The following TDRD6 variants were observed in gnomAD, a reference collection of about 807,000 sequenced individuals.
TDRD6 encodes tudor domain containing 6, also known as tudor domain-containing protein 6.
TDRD6 carries 186 observed loss-of-function variants against 157.5 expected under a neutral mutation model. That is an observed-to-expected ratio of 1.18 (90% CI 1.05 to 1.33). The LOEUF is 1.33. TDRD6 is among the 40% of genes most tolerant of loss of function. The pLI is 0.00. For missense variants in TDRD6, 3,066 were observed against 2,508.0 expected, an observed-to-expected ratio of 1.22 and a Z score of -4.75; for synonymous variants, 1,075 against 945.2, an observed-to-expected ratio of 1.14 and a Z score of -2.52.
chr6:46,695,459 A>T (rs1764465983), intron 1 of TDRD6, among the ~76,000 whole-genome samples: 1 of 152,140 alleles, frequency 6.6e-6, no homozygotes, highest in African/African-American at 2.4e-5. Flanking sequence ...TGTGATAAGA[A>T]TGTCTGCTCA....
chr6:46,689,999 T>G lies in TDRD6; in HGVS notation c.1871T>G (p.Val624Gly). Reference protein sequence around the residue: ...QEAVSFFKKTVLHKELVIHIL... With the variant: ...QEAVSFFKKTGLHKELVIHIL... ...GCAGTTTCCTTTTTTAAAAAGACTG[T>G]GCTCCACAAAGAATTAGTCATCCAT... Residue 624 changes from valine to glycine, a missense_variant, in exon 1 of 4, where the codon GTG becomes GGG. By Grantham distance (109) the Val-to-Gly change is moderately radical (BLOSUM62 -3). Transcript: ENST00000316081. 2 of 1,613,752 alleles carry G rather than the reference T, an allele frequency of 1.2e-6. No homozygotes were observed. Among genetic ancestry groups the G allele is most frequent in the Non-Finnish European group, 1.7e-6 (2 of 1,179,832 alleles).
Position 46,691,517 on chromosome 6 carries a change from CA to C in TDRD6, c.3393del (p.Asp1132IlefsTer6). 6.2e-7 allele frequency: 1 copy of C among 1,613,876 alleles called. No individual in the cohort carries two copies. Among genetic ancestry groups the C allele is most frequent in the Non-Finnish European group, 8.5e-7 (1 of 1,179,906 alleles). On this transcript the variant is annotated frameshift_variant, in exon 1 of 4. Transcript: ENST00000316081. LOFTEE classifies it high-confidence loss of function. ...AAGTCATTGAAGGCTTTAGTTGTAG[CA>C]AAAGATCCAGATGGAACACTGATTA... ...LDKSLKALVV[A>X]KDPDGTLIIE...
Position 46,688,854 on chromosome 6 carries a change from C to G in TDRD6, c.726C>G (p.Phe242Leu). 15 of 1,611,074 alleles carry G rather than the reference C, an allele frequency of 9.3e-6. No individual in the cohort carries two copies. The highest frequency in any genetic ancestry group is 1.7e-5 in the Admixed American group (1 of 59,822). Residue 242 changes from phenylalanine to leucine, a missense_variant, in exon 1 of 4, where the codon TTC becomes TTG. Physicochemically the swap from Phe to Leu is conservative, Grantham distance 22 (BLOSUM62 0). Transcript: ENST00000316081. Reference sequence around the variant, plus strand: ...AAAAGCAGCCTGGTCTGGATTACTTCTATCCCCAGCTGCAGCTGGGCGTGA... The same window carrying G: ...AAAAGCAGCCTGGTCTGGATTACTTGTATCCCCAGCTGCAGCTGGGCGTGA... Reference protein sequence around the residue: ...LKQKQPGLDYFYPQLQLGVTE... With the variant: ...LKQKQPGLDYLYPQLQLGVTE...
At chr6:46,682,896 T>C (rs533301817), upstream of TDRD6, among the ~76,000 whole-genome samples, 26 of 152,056 alleles carry the variant, frequency 1.7e-4, no homozygotes, top group Middle Eastern at 6.8e-3. Context: ...AAGTTAATTA[T>C]TGTCAAATTG....
chr6:46,691,625 G>GA lies in TDRD6; in HGVS notation c.3504dup (p.Glu1169ArgfsTer3), dbSNP rs746900685. 8.7e-6 allele frequency: 14 copies of GA among 1,611,204 alleles called. No homozygotes were observed. Among genetic ancestry groups the GA allele is most frequent in the Non-Finnish European group, 1.1e-5 (13 of 1,179,040 alleles). Reference sequence around the variant, plus strand: ...CTACTTAGTTACAAAGATAGAATAAGAAAAAAAGAAAGTGAAGTCCTCTGT... The same window carrying GA: ...CTACTTAGTTACAAAGATAGAATAAGAAAAAAAAGAAAGTGAAGTCCTCTGT... On this transcript the variant is annotated frameshift_variant, in exon 1 of 4. Transcript: ENST00000316081. LOFTEE classifies it high-confidence loss of function.
Position 46,688,642 on chromosome 6 carries a change from GA to G in TDRD6, c.515del (p.Asp172AlafsTer79), listed in dbSNP as rs767499776. The stretch of plus-strand genomic sequence containing the variant: ...CAAGGAGGTGCACGGGTGCGTCCTG[GA>G]CGTGCTGCTGCTCCATCGCCTGGTC... ...QGKEVHGCVL[D>X]VLLLHRLVLL... On this transcript the variant is annotated frameshift_variant, in exon 1 of 4. Coordinates refer to ENST00000316081, the MANE Select transcript of TDRD6 (RefSeq NM_001010870.3). LOFTEE classifies it high-confidence loss of function. The G allele has an allele frequency of 6.3e-7, 1 of 1,599,346 alleles. No homozygotes were observed. Among genetic ancestry groups the G allele is most frequent in the Non-Finnish European group, 8.5e-7 (1 of 1,179,872 alleles).
chr6:46,693,636 G>C lies in TDRD6; in HGVS notation c.5508G>C (p.Glu1836Asp), dbSNP rs747109869. The change falls in exon 1 of 4, where the codon GAG becomes GAC. Residue 1836 changes from glutamate (E) to aspartate (D), a missense_variant. By Grantham distance (45) the Glu-to-Asp change is conservative. Coordinates refer to ENST00000316081, the MANE Select transcript of TDRD6 (RefSeq NM_001010870.3). ...AGATACTAGAACTGAATTCACTTGA[G>C]GTGCCGCTTTCTCCTGATGATGAAT... ...TKEILELNSL[E>D]VPLSPDDESK... is the part of the protein sequence containing the mutation. 11 of 1,614,062 alleles carry C rather than the reference G, an allele frequency of 6.8e-6. No homozygotes were observed. The African/African-American group carries it at 9.3e-5, about 14-fold the overall frequency.
At chr6:46,700,981 A>G in intron 3 of TDRD6, 1 of 422,620 alleles carries the variant, frequency 2.4e-6, no homozygotes, top group Non-Finnish European at 4.9e-6. Context: ...ATAGCAATTC[A>G]AAGGTTCCTT....
In TDRD6 at chr6:46,690,232, A is replaced by G. The variant is rs776788881; in HGVS notation, c.2104A>G (p.Lys702Glu). The G allele has an allele frequency of 6.5e-5, 105 of 1,613,800 alleles. 2 individuals carry two copies. The South Asian group carries it at 1.1e-3, about 17-fold the overall frequency. The change falls in exon 1 of 4, where the codon AAG becomes GAG. Residue 702 changes from lysine (K) to glutamate (E), a missense_variant. Coordinates refer to ENST00000316081, the MANE Select transcript of TDRD6 (RefSeq NM_001010870.3). ...TTESNKIPFA[K>E]TGEGEQKAKR... ...GGAGAGTAACAAAATACCTTTTGCC[A>G]AGACTGGAGAAGGAGAGCAGAAAGC...
At position 46,703,778 on chromosome 6, in the gene TDRD6, TTTA is replaced by T. The variant is rs1764684571; in HGVS notation, c.*1896_*1898del. 1.3e-5 allele frequency: 2 copies of T among 152,242 alleles called. No homozygotes were observed. Among genetic ancestry groups the T allele is most frequent in the South Asian group, 4.1e-4 (2 of 4,822 alleles). The allele number at this position is 152,242 out of a possible 1,614,324, so 9.4% of individuals were successfully genotyped here. On this transcript the variant is annotated 3_prime_UTR_variant, in exon 4 of 4. Coordinates refer to ENST00000316081, the MANE Select transcript of TDRD6 (RefSeq NM_001010870.3). Reference sequence around the variant, plus strand: ...AGAAGCTAAATGTAATTCTGAATGTTTTATTATCCTTCACAGCCTTTGTGTGAG... The same window carrying T: ...AGAAGCTAAATGTAATTCTGAATGTTTTATCCTTCACAGCCTTTGTGTGAG...
rs1305123360 is a variant in TDRD6 at position 46,691,478 on chromosome 6, A to C, written c.3350A>C (p.Glu1117Ala). Residue 1117 changes from glutamate (E) to alanine (A), a missense_variant, in exon 1 of 4, where the codon GAG becomes GCG. Coordinates refer to ENST00000316081, the MANE Select transcript of TDRD6 (RefSeq NM_001010870.3). ...IPEEVVVWFQETILDKSLKAL... is the reference protein window; with the variant it reads ...IPEEVVVWFQATILDKSLKAL... Reference sequence around the variant, plus strand: ...GAAGAAGTGGTGGTGTGGTTTCAGGAGACTATTTTAGATAAGTCATTGAAG... The same window carrying C: ...GAAGAAGTGGTGGTGTGGTTTCAGGCGACTATTTTAGATAAGTCATTGAAG... 5 of 1,614,088 alleles carry C rather than the reference A, an allele frequency of 3.1e-6. No homozygotes were observed. The highest frequency in any genetic ancestry group is 4.2e-6 in the Non-Finnish European group (5 of 1,179,962).
In TDRD6 at chr6:46,689,035, TGGGAGGAGA is replaced by T. The variant is rs754120647; in HGVS notation, c.918_926del (p.Arg306_Glu308del). ...GGATGAGAACTCTACCAGTGCCACC[TGGGAGGAGA>T]GGGAGGAGAGCCCAGATAAGCCGGG... On this transcript the variant is annotated inframe_deletion, in exon 1 of 4. Coordinates refer to ENST00000316081, the MANE Select transcript of TDRD6 (RefSeq NM_001010870.3). 6.2e-7 allele frequency: 1 copy of T among 1,613,828 alleles called. No individual in the cohort carries two copies. Among genetic ancestry groups the T allele is most frequent in the Admixed American group, 1.7e-5 (1 of 60,018 alleles).
chr6:46,690,294 T>C lies in TDRD6; in HGVS notation c.2166T>C (p.Ala722=). ...RENKTTSVSK[A]LSDTTVVTNG... ...ATAAAACCACATCTGTTTCAAAAGC[T>C]TTGAGTGACACAACAGTTGTAACAA... is the stretch of plus-strand genomic sequence containing the variant. The change falls in exon 1 of 4, where the codon GCT becomes GCC. Residue 722 remains alanine, a synonymous_variant. Transcript: ENST00000316081. 2 of 1,613,500 alleles carry C rather than the reference T, an allele frequency of 1.2e-6. No homozygotes were observed. The highest frequency in any genetic ancestry group is 2.2e-5 in the South Asian group (2 of 91,076).
Position 46,690,520 on chromosome 6 carries a change from C to G in TDRD6, c.2392C>G (p.Leu798Val). The change falls in exon 1 of 4, where the codon CTT (leucine) becomes GTT (valine). Residue 798 changes from leucine (L) to valine (V), a missense_variant. By Grantham distance (32) the Leu-to-Val change is conservative. Transcript: ENST00000316081. Reference sequence around the variant, plus strand: ...TCAGCTGACCAGGAACATACAAGGACTTAAAACTCTAATGTCTGATATTCA... The same window carrying G: ...TCAGCTGACCAGGAACATACAAGGAGTTAAAACTCTAATGTCTGATATTCA... ...WCQLTRNIQG[L>V]KTLMSDIQYY... is the part of the protein sequence containing the mutation. The G allele has an allele frequency of 6.2e-7, 1 of 1,614,150 alleles. No individual in the cohort carries two copies. Among genetic ancestry groups the G allele is most frequent in the Non-Finnish European group, 8.5e-7 (1 of 1,180,034 alleles).
In TDRD6 at chr6:46,688,453, GCAGGCTCGCTGGCGCCTGGGCGC is replaced by G; in HGVS notation, c.326_348del (p.Ala109GlufsTer43). ...CGAGGGCCGCACCATCACGGCCGGA[GCAGGCTCGCTGGCGCCTGGGCGC>G]AGAGAGTTCTTCAATTTGCCCTCGG... On this transcript the variant is annotated frameshift_variant, in exon 1 of 4. Coordinates refer to ENST00000316081, the MANE Select transcript of TDRD6 (RefSeq NM_001010870.3). LOFTEE classifies it high-confidence loss of function. 6.5e-7 allele frequency: 1 copy of G among 1,543,266 alleles called. No homozygotes were observed. The highest frequency in any genetic ancestry group is 8.7e-7 in the Non-Finnish European group (1 of 1,146,530).
At chr6:46,684,263 G>A (rs1428126669), upstream of TDRD6, among the ~76,000 whole-genome samples, 1 of 151,866 alleles carries the variant, frequency 6.6e-6, no homozygotes, top group African/African-American at 2.4e-5. Flanking sequence ...AAAGAAAAAC[G>A]TATAGGGATA....
upstream of TDRD6, among the ~76,000 whole-genome samples, chr6:46,683,318 A>C (rs12175419): frequency 0.036 from 5,387 of 151,692 alleles, 344 homozygotes; most frequent in South Asian, 0.18. Context: ...TTTAAAATGA[A>C]TCATAGACCT....
chr6:46,681,826 C>G, the TDRD6 span, among the ~76,000 whole-genome samples: 2 of 151,848 alleles, frequency 1.3e-5, no homozygotes, highest in Non-Finnish European at 2.9e-5. Context: ...ATAAGCCAGG[C>G]AAAAGTGAAT....
In TDRD6 at chr6:46,693,716, A is replaced by G. The variant is rs776601758; in HGVS notation, c.5588A>G (p.Asp1863Gly). Residue 1863 changes from aspartate to glycine, a missense_variant, in exon 1 of 4, where the codon GAT becomes GGT. By Grantham distance (94) the Asp-to-Gly change is moderately conservative. Transcript: ENST00000316081. ...SIELQNSLVV[D>G]EEKGELSPVP... ...GAGTTACAGAATTCTCTGGTGGTGGATGAAGAAAAAGGGGAGCTAAGCCCG... is the reference window on the plus strand; with the variant it reads ...GAGTTACAGAATTCTCTGGTGGTGGGTGAAGAAAAAGGGGAGCTAAGCCCG... 3.7e-6 allele frequency: 6 copies of G among 1,614,202 alleles called. No individual in the cohort carries two copies. Among genetic ancestry groups the G allele is most frequent in the Non-Finnish European group, 5.1e-6 (6 of 1,180,038 alleles).
Sources: gnomAD v4.1 joint callset for allele counts (sites outside exome capture counted in the v4.1 genomes callset) on GRCh38, gnomAD v4.1.1 for gene constraint, MANE v1.5 for transcripts, NCBI Gene and HGNC (gene_info 2026-07-23, HGNC 2026-07-21) for gene names.